The following CELA3B variants were observed in gnomAD, a reference collection of about 807,000 sequenced individuals.
The protein encoded by CELA3B is chymotrypsin-like elastase family member 3B.
Under a neutral mutation model 37.2 loss-of-function variants are expected in CELA3B, and 34 were observed. The ratio of observed to expected loss-of-function variants is 0.91; its 90% confidence interval spans 0.70 to 1.22. CELA3B has a LOEUF of 1.22. CELA3B is among the 50% of genes most tolerant of loss of function. The probability of loss-of-function intolerance (pLI) is 0.00; values close to 1 mark genes in which losing one functional copy is unlikely to be tolerated. For missense variants in CELA3B, 340 were observed against 363.1 expected, an observed-to-expected ratio of 0.94 and a Z score of 0.52; for synonymous variants, 127 against 143.5, an observed-to-expected ratio of 0.89 and a Z score of 0.82.
downstream of CELA3B, among the ~76,000 whole-genome samples, chr1:21,993,461 CAA>C (rs58752734): frequency 6.2e-4 from 51 of 81,616 alleles, no homozygotes; most frequent in Middle Eastern, 7.7e-3. Flanking sequence ...ACCTCCTCTC[CAA>C]AAAAAAAAAA....
At chr1:21,982,439 T>TA (rs111976816) in intron 4 of CELA3B, among the ~76,000 whole-genome samples, 10 of 151,584 alleles carry the variant, frequency 6.6e-5, no homozygotes, top group African/African-American at 1.9e-4. Context: ...TACTAAAAAT[T>TA]AAAAAAAATT....
intron 4 of CELA3B, among the ~76,000 whole-genome samples, chr1:21,997,393 A>T (rs1273036709): frequency 6.8e-6 from 1 of 147,034 alleles, no homozygotes; most frequent in Non-Finnish European, 1.5e-5. Context: ...ACTCGTCTCA[A>T]AAAAAAAAAA....
chr1:21,983,818 G>A lies in CELA3B; in HGVS notation c.487G>A (p.Gly163Ser). Residue 163 changes from glycine to serine, a missense_variant, in exon 5 of 8, where the codon GGC (glycine) becomes AGC (serine). Transcript: ENST00000337107. ...NETPCYITGW[G>S]RLYTNGPLPD... Reference sequence around the variant, plus strand: ...GACACCCTGCTACATCACCGGCTGGGGCCGTCTCTATAGTACGTGCTGACT... The same window carrying A: ...GACACCCTGCTACATCACCGGCTGGAGCCGTCTCTATAGTACGTGCTGACT... The A allele has an allele frequency of 6.2e-7, 1 of 1,613,978 alleles. No individual in the cohort carries two copies. Among genetic ancestry groups the A allele is most frequent in the Non-Finnish European group, 8.5e-7 (1 of 1,179,982 alleles).
intron 4 of CELA3B, among the ~76,000 whole-genome samples, chr1:21,981,965 T>C (rs1471371441): frequency 6.6e-6 from 1 of 152,066 alleles, no homozygotes; most frequent in Non-Finnish European, 1.5e-5. Context: ...GACCTCGTGA[T>C]CTGCCCGCCT....
At chr1:21,988,615 G>A (rs1379255191) in intron 7 of CELA3B, among the ~76,000 whole-genome samples, 2 of 145,278 alleles carry the variant, frequency 1.4e-5, no homozygotes, top group East Asian at 2.1e-4. Flanking sequence ...AAAAAAGCCG[G>A]GCATGGTGGC....
downstream of CELA3B, among the ~76,000 whole-genome samples, chr1:21,993,453 C>A (rs2152817952): frequency 7.4e-6 from 1 of 135,590 alleles, no homozygotes. Context: ...CAGAAAGGAC[C>A]TCCTCTCCAA....
Position 21,978,430 on chromosome 1 carries a change from G to A in CELA3B, c.105G>A (p.Ala35=), listed in dbSNP as rs757449459. 8.7e-6 allele frequency: 14 copies of A among 1,613,944 alleles called. No homozygotes were observed. The highest frequency in any genetic ancestry group is 2.2e-5 in the South Asian group (2 of 91,066). Residue 35 remains alanine, a synonymous_variant, in exon 2 of 8, where the codon GCG becomes GCA. Coordinates refer to ENST00000337107, the MANE Select transcript of CELA3B (RefSeq NM_007352.4). ...GCCGCGTTGTCAATGGTGAGGATGC[G>A]GTCCCCTACAGCTGGCCCTGGCAGG... The part of the protein sequence containing the change: ...PSSRVVNGED[A]VPYSWPWQVS...
At chr1:21,983,671 C>G (rs374175987) in intron 4 of CELA3B, 23 bp from the exon 5 acceptor site, 35 of 1,610,532 alleles carry the variant, frequency 2.2e-5, no homozygotes, top group African/African-American at 1.9e-4. Flanking sequence ...GACCAGGCCC[C>G]GTGACTGTTC....
At chr1:21,977,112 T>G in intron 1 of CELA3B, 30 bp downstream of exon 1, 2 of 1,614,062 alleles carry the variant, frequency 1.2e-6, no homozygotes, top group Non-Finnish European at 1.7e-6. Flanking sequence ...GTGTGCTCCC[T>G]GGGCTGCCCT....
intron 5 of CELA3B, 26 bp from the exon 6 acceptor site, chr1:21,984,163 T>C (rs2152816353): frequency 6.2e-7 from 1 of 1,606,882 alleles, no homozygotes; most frequent in East Asian, 2.2e-5. Context: ...CCCAGACCCC[T>C]GACTCGGTGC....
chr1:21,987,140 CAA>C (rs869195183), intron 7 of CELA3B: 155 of 47,914 alleles, frequency 3.2e-3, no homozygotes, highest in South Asian at 5.8e-3. Context: ...AATAGCTAAA[CAA>C]AAAAAAAAAA....
At chr1:21,977,175 T>C in intron 1 of CELA3B, 93 bp downstream of exon 1, 1 of 1,572,726 alleles carries the variant, frequency 6.4e-7, no homozygotes, top group Admixed American at 1.7e-5. Flanking sequence ...TGACACCCTA[T>C]GCCTGGTTCC....
chr1:21,997,414 C>T (rs149248207), intron 4 of CELA3B, among the ~76,000 whole-genome samples: 3,837 of 138,590 alleles, frequency 0.028, 310 homozygotes, highest in African/African-American at 0.097. Context: ...AAATGCTGGG[C>T]GTGGTGGCTC....
At chr1:21,992,819 GC>G (rs1644874286), downstream of CELA3B, among the ~76,000 whole-genome samples, 2 of 150,954 alleles carry the variant, frequency 1.3e-5, no homozygotes, top group Admixed American at 6.6e-5. Context: ...CCCCATCTTA[GC>G]TGGGTGGTGT....
In CELA3B at chr1:21,981,099, G is replaced by C; in HGVS notation, c.289G>C (p.Glu97Gln). The C allele has an allele frequency of 1.2e-6, 2 of 1,613,592 alleles. No homozygotes were observed. Among genetic ancestry groups the C allele is most frequent in the Non-Finnish European group, 1.7e-6 (2 of 1,180,020 alleles). Reference protein sequence around the residue: ...EYDRAVKEGPEQVIPINSGDL... With the variant: ...EYDRAVKEGPQQVIPINSGDL... ...CGACCGTGCTGTGAAGGAGGGCCCC[G>C]AGCAGGTGATCCCCATCAACTCTGG... The change falls in exon 4 of 8, where the codon GAG (glutamate) becomes CAG (glutamine). Residue 97 changes from glutamate to glutamine, a missense_variant. Physicochemically the swap from Glu to Gln is conservative, Grantham distance 29. Transcript: ENST00000337107.
exon 5 of CELA3B, chr1:21,998,174 A>G (rs1225912736): frequency 2.1e-6 from 1 of 470,346 alleles, no homozygotes; most frequent in Non-Finnish European, 4.4e-6. Context: ...ACAAGGCACC[A>G]GAGTCCCGGA....
intron 4 of CELA3B, among the ~76,000 whole-genome samples, chr1:21,983,404 G>T (rs1644816586): frequency 6.6e-6 from 1 of 151,964 alleles, no homozygotes; most frequent in African/African-American, 2.4e-5. Flanking sequence ...ATTTGGGCCA[G>T]GTGTAGTGGC....
intron 4 of CELA3B, among the ~76,000 whole-genome samples, chr1:21,997,769 C>T (rs12042161): frequency 0.46 from 68,601 of 149,328 alleles, 18,135 homozygotes; most frequent in African/African-American, 0.67. Context: ...CTATACCAGG[C>T]TGGTTTATGA....
intron 6 of CELA3B, among the ~76,000 whole-genome samples, chr1:21,985,816 G>A (rs1189253132): frequency 1.4e-4 from 22 of 152,134 alleles, no homozygotes; most frequent in Non-Finnish European, 2.2e-4. Flanking sequence ...GTGTGAACCT[G>A]GGAGGCGGAG....
Sources: gnomAD v4.1 joint callset for allele counts (sites outside exome capture counted in the v4.1 genomes callset) on GRCh38, gnomAD v4.1.1 for gene constraint, MANE v1.5 for transcripts, NCBI Gene and HGNC (gene_info 2026-07-23, HGNC 2026-07-21) for gene names.